The following PTPRD variants were observed in gnomAD, a reference collection of about 807,000 sequenced individuals.
PTPRD encodes the protein protein tyrosine phosphatase receptor type D.
In PTPRD, 34 loss-of-function variants were observed where a neutral mutation model predicts 214.5. The observed-to-expected ratio is 0.16, with a 90% CI of 0.12 to 0.21. The LOEUF (loss-of-function observed/expected upper bound fraction) is 0.21, where lower values mean the gene tolerates loss of function less well. Among genes scored for constraint, PTPRD ranks in the 10% least tolerant of loss-of-function variants. The pLI is 1.00. For missense variants in PTPRD, 2,545 were observed against 2,398.7 expected, an observed-to-expected ratio of 1.06 and a Z score of -1.27; for synonymous variants, 1,128 against 845.7, an observed-to-expected ratio of 1.33 and a Z score of -5.79.
intron 3 of PTPRD, among the ~76,000 whole-genome samples, chr9:10,214,429 ATTTTTTT>A (rs35115543): frequency 8.3e-6 from 1 of 120,752 alleles, no homozygotes; most frequent in Non-Finnish European, 1.8e-5. Context: ...AAGCCCAACT[ATTTTTTT>A]TTTTTTTTTT....
At position 8,620,496 on chromosome 9, in the gene PTPRD, GT is replaced by G. The variant is rs752402529; in HGVS notation, c.352+12820del. 1.6e-4 allele frequency among the ~76,000 whole-genome samples: 24 copies of G among 152,082 alleles called. No homozygotes were observed. The East Asian group carries it at 3.1e-3, about 20-fold the overall frequency. ...TAGTGTCTAATGTCTTGATGAAAAG[GT>G]TATTTTGCATCAGTGATGGTGGTGG... On this transcript the variant is annotated intron_variant, in intron 14 of 45. Coordinates refer to ENST00000381196, the MANE Select transcript of PTPRD (RefSeq NM_002839.4).
chr9:9,404,260 G>A lies in PTPRD; in HGVS notation c.-236-6778C>T, dbSNP rs555156946. On this transcript the variant is annotated intron_variant, in intron 8 of 45. Coordinates refer to ENST00000381196, the MANE Select transcript of PTPRD (RefSeq NM_002839.4). ...ATGGTTTTGTCTTAAACATGCCTCCGGCTACTCTGTAGAAAACTGAAAGCC... is the reference window on the plus strand; with the variant it reads ...ATGGTTTTGTCTTAAACATGCCTCCAGCTACTCTGTAGAAAACTGAAAGCC... Among the ~76,000 whole-genome samples, 67 of 152,122 alleles carry A rather than the reference G, an allele frequency of 4.4e-4. 1 individual carries two copies. Among genetic ancestry groups the A allele is most frequent in the African/African-American group, 1.3e-3 (53 of 41,540 alleles).
At chr9:9,666,393 T>A (rs1008770185) in intron 7 of PTPRD, among the ~76,000 whole-genome samples, 7 of 151,954 alleles carry the variant, frequency 4.6e-5, no homozygotes, top group African/African-American at 1.7e-4. Flanking sequence ...TTGTATAACT[T>A]GCAAAATTTG....
intron 9 of PTPRD, among the ~76,000 whole-genome samples, chr9:9,269,391 A>G (rs1238832914): frequency 6.6e-6 from 1 of 151,372 alleles, no homozygotes; most frequent in Non-Finnish European, 1.5e-5. Context: ...AAGAATCCTT[A>G]TGCATTGTTG....
At chr9:10,245,785 A>T (rs2091981079) in intron 3 of PTPRD, among the ~76,000 whole-genome samples, 1 of 152,122 alleles carries the variant, frequency 6.6e-6, no homozygotes, top group African/African-American at 2.4e-5. Context: ...GAGATTGATA[A>T]AGTAGGTGAG....
chr9:8,650,528 C>CAA (rs35887411), intron 12 of PTPRD, among the ~76,000 whole-genome samples: 1,314 of 104,254 alleles, frequency 0.013, 13 homozygotes, highest in Admixed American at 0.022. Context: ...ACTCCGCCTC[C>CAA]AAAAAAAAAA....
chr9:9,035,683 G>C (rs1362788527), intron 10 of PTPRD, among the ~76,000 whole-genome samples: 1 of 152,010 alleles, frequency 6.6e-6, no homozygotes, highest in African/African-American at 2.4e-5. Flanking sequence ...TCTTACTTGA[G>C]GACTAGTTAT....
At position 8,500,741 on chromosome 9, in the gene PTPRD, G is replaced by T. The variant is rs767212653; in HGVS notation, c.2128+13C>A. The stretch of plus-strand genomic sequence containing the variant: ...TCAGAAGGGTGCAAACTGACGTAGC[G>T]GAGGCAACATACCATCTTCATTGGT... On this transcript the variant is annotated intron_variant, in intron 24 of 45. Transcript: ENST00000381196. 18 of 1,612,982 alleles carry T rather than the reference G, an allele frequency of 1.1e-5. No individual in the cohort carries two copies. Among genetic ancestry groups the T allele is most frequent in the Non-Finnish European group, 1.5e-5 (18 of 1,179,246 alleles).
intron 12 of PTPRD, among the ~76,000 whole-genome samples, chr9:8,715,687 C>A (rs966235246): frequency 6.6e-6 from 1 of 152,172 alleles, no homozygotes. Context: ...TTCCTCAGGG[C>A]CTCTTAACAG....
At chr9:8,653,353 T>C (rs1456517154) in intron 12 of PTPRD, among the ~76,000 whole-genome samples, 3 of 152,148 alleles carry the variant, frequency 2.0e-5, no homozygotes, top group Non-Finnish European at 2.9e-5. Flanking sequence ...AACACAGTTA[T>C]ACTTTTACTT....
intron 2 of PTPRD, among the ~76,000 whole-genome samples, chr9:10,466,730 C>T (rs1054116079): frequency 1.3e-5 from 2 of 150,918 alleles, no homozygotes; most frequent in East Asian, 2.0e-4. Flanking sequence ...CTTCGAGCAT[C>T]TGAAAACTTC....
At chr9:9,051,316 C>T (rs1343063648) in intron 10 of PTPRD, among the ~76,000 whole-genome samples, 3 of 152,046 alleles carry the variant, frequency 2.0e-5, no homozygotes, top group African/African-American at 4.8e-5. Flanking sequence ...AAAGTAGGCC[C>T]ATTTTATTAA....
At chr9:8,922,740 G>A (rs1567018741) in intron 11 of PTPRD, among the ~76,000 whole-genome samples, 1 of 152,014 alleles carries the variant, frequency 6.6e-6, no homozygotes, top group South Asian at 2.1e-4. Flanking sequence ...TCCGCCTCCC[G>A]GGTTCAAGCA....
chr9:9,390,636 G>A (rs977972), intron 9 of PTPRD, among the ~76,000 whole-genome samples: 4,003 of 152,226 alleles, frequency 0.026, 77 homozygotes, highest in Non-Finnish European at 0.04. Flanking sequence ...ATAACTCTTG[G>A]ACAAGTAGAT....
intron 10 of PTPRD, among the ~76,000 whole-genome samples, chr9:9,082,873 T>G (rs1025267700): frequency 2.6e-5 from 4 of 152,118 alleles, no homozygotes; most frequent in African/African-American, 9.7e-5. Flanking sequence ...CAAGGAGAAC[T>G]ACAAACCACT....
rs535774559 is a variant in PTPRD, at chr9:8,590,426, GGT to G, written c.352+42889_352+42890del. Among the ~76,000 whole-genome samples the G allele has an allele frequency of 3.9e-5, 6 of 152,190 alleles. No homozygotes were observed. The South Asian group carries it at 1.2e-3, about 32-fold the overall frequency. On this transcript the variant is annotated intron_variant, in intron 14 of 45. Coordinates refer to ENST00000381196, the MANE Select transcript of PTPRD (RefSeq NM_002839.4). ...CAAGTGTGCAGAAGACTTATCAGAG[GGT>G]GGGTAGAAAGTTGCAACCAATCAAG...
At chr9:8,434,376 T>C (rs977157934) in intron 35 of PTPRD, among the ~76,000 whole-genome samples, 3 of 152,218 alleles carry the variant, frequency 2.0e-5, no homozygotes, top group African/African-American at 2.4e-5. Context: ...GATTGTAGCC[T>C]AGAAGCAATG....
intron 12 of PTPRD, among the ~76,000 whole-genome samples, chr9:8,706,470 A>G (rs1046156225): frequency 2.6e-5 from 4 of 152,208 alleles, no homozygotes; most frequent in Admixed American, 1.3e-4. Flanking sequence ...TGCCAATTCA[A>G]TTCACTAGAA....
chr9:9,161,205 A>G (rs540436035), intron 10 of PTPRD, among the ~76,000 whole-genome samples: 1 of 152,282 alleles, frequency 6.6e-6, no homozygotes, highest in South Asian at 2.1e-4. Flanking sequence ...TCTCACCACA[A>G]AGAATGATAA....
Sources: gnomAD v4.1 joint callset for allele counts (sites outside exome capture counted in the v4.1 genomes callset) on GRCh38, gnomAD v4.1.1 for gene constraint, MANE v1.5 for transcripts, NCBI Gene and HGNC (gene_info 2026-07-23, HGNC 2026-07-21) for gene names.